LINGO2: variants seen among roughly 807,000 people sequenced by gnomAD.
The protein encoded by LINGO2 is leucine rich repeat and Ig domain containing 2, also known as leucine-rich repeat and immunoglobulin-like domain-containing nogo receptor-interacting protein 2.
A neutral mutation model predicts 30.6 loss-of-function variants in LINGO2; 14 were observed. That is an observed-to-expected ratio of 0.46 (90% CI 0.30 to 0.72). LINGO2 has a LOEUF of 0.72. Among genes scored for constraint, LINGO2 ranks in the 30% least tolerant of loss-of-function variants. LINGO2 has a pLI of 0.07. For missense variants in LINGO2, 729 were observed against 751.7 expected, an observed-to-expected ratio of 0.97 and a Z score of 0.35; for synonymous variants, 317 against 288.5, an observed-to-expected ratio of 1.10 and a Z score of -1.00.
At chr9:28,763,806 G>T in the LINGO2 span, among the ~76,000 whole-genome samples, 1 of 150,018 alleles carries the variant, frequency 6.7e-6, no homozygotes, top group Middle Eastern at 3.4e-3. Flanking sequence ...GAGAGAGAGA[G>T]GATACAAATA....
chr9:28,481,958 A>AT (rs1237030839), intron 1 of LINGO2, among the ~76,000 whole-genome samples: 2 of 152,072 alleles, frequency 1.3e-5, no homozygotes, highest in Non-Finnish European at 2.9e-5. Flanking sequence ...TGAACTCATC[A>AT]TTTTTTATGG....
intron 4 of LINGO2, among the ~76,000 whole-genome samples, chr9:28,087,757 T>A: frequency 6.6e-6 from 1 of 152,042 alleles, no homozygotes; most frequent in East Asian, 1.9e-4. Context: ...GACAATCTTA[T>A]GGGAATTAGC....
the LINGO2 span, among the ~76,000 whole-genome samples, chr9:28,905,621 C>T: frequency 6.6e-6 from 1 of 151,908 alleles, no homozygotes; most frequent in East Asian, 1.9e-4. Flanking sequence ...ATAAATCACA[C>T]CTGTGAGAAT....
the LINGO2 span, among the ~76,000 whole-genome samples, chr9:29,102,216 G>T: frequency 6.6e-6 from 1 of 151,872 alleles, no homozygotes; most frequent in Non-Finnish European, 1.5e-5. Context: ...CGAGTAGCTG[G>T]GACTACAGGT....
chr9:28,146,539 A>T (rs2133525099), intron 4 of LINGO2, among the ~76,000 whole-genome samples: 1 of 148,436 alleles, frequency 6.7e-6, no homozygotes, highest in Non-Finnish European at 1.5e-5. Flanking sequence ...TAAACTACCA[A>T]AATTTACTTA....
intron 1 of LINGO2, among the ~76,000 whole-genome samples, chr9:28,532,883 C>A (rs1821288963): frequency 6.6e-6 from 1 of 152,008 alleles, no homozygotes; most frequent in Non-Finnish European, 1.5e-5. Context: ...CTCTTATAGA[C>A]CGAATCCAGC....
chr9:29,084,677 G>C, the LINGO2 span, among the ~76,000 whole-genome samples: 3 of 151,870 alleles, frequency 2.0e-5, no homozygotes, highest in Non-Finnish European at 4.4e-5. Flanking sequence ...CTCTTAGAAA[G>C]CCCTTCTCTA....
chr9:28,585,428 T>G (rs1443838149), intron 1 of LINGO2, among the ~76,000 whole-genome samples: 1 of 152,038 alleles, frequency 6.6e-6, no homozygotes, highest in Non-Finnish European at 1.5e-5. Flanking sequence ...AGACAGTCCC[T>G]AACTTAAAAT....
At chr9:28,597,066 A>G (rs568923445) in intron 1 of LINGO2, among the ~76,000 whole-genome samples, 2 of 152,208 alleles carry the variant, frequency 1.3e-5, no homozygotes, top group African/African-American at 4.8e-5. Context: ...TGATAAAACT[A>G]TGAGAAAAAT....
the LINGO2 span, among the ~76,000 whole-genome samples, chr9:28,700,245 C>A: frequency 6.6e-6 from 1 of 152,068 alleles, no homozygotes; most frequent in South Asian, 2.1e-4. Context: ...ATGTAAAGAG[C>A]CTACATTGAA....
intron 2 of LINGO2, among the ~76,000 whole-genome samples, chr9:28,409,624 T>G (rs779446756): frequency 1.1e-4 from 15 of 138,152 alleles, no homozygotes; most frequent in Admixed American, 5.9e-4. Context: ...TGCAGGGGTG[T>G]GTGTGTGTGT....
At chr9:29,066,773 G>A in the LINGO2 span, among the ~76,000 whole-genome samples, 4 of 151,780 alleles carry the variant, frequency 2.6e-5, no homozygotes, top group Non-Finnish European at 4.4e-5. Context: ...CTAAAATATA[G>A]TATGATCATT....
chr9:28,909,621 A>G, the LINGO2 span, among the ~76,000 whole-genome samples: 1 of 152,032 alleles, frequency 6.6e-6, no homozygotes, highest in East Asian at 1.9e-4. Flanking sequence ...TTCAATATCA[A>G]GATTCACAAA....
intron 4 of LINGO2, among the ~76,000 whole-genome samples, chr9:28,271,971 A>C (rs1822955877): frequency 6.6e-6 from 1 of 152,148 alleles, no homozygotes; most frequent in African/African-American, 2.4e-5. Flanking sequence ...TCTCCAAAAC[A>C]CCTCATCGGA....
chr9:29,195,684 A>C, the LINGO2 span, among the ~76,000 whole-genome samples: 1 of 152,132 alleles, frequency 6.6e-6, no homozygotes, highest in African/African-American at 2.4e-5. Flanking sequence ...AAATAGAAAA[A>C]AATATTTTGC....
chr9:28,903,147 G>C, the LINGO2 span, among the ~76,000 whole-genome samples: 3 of 151,182 alleles, frequency 2.0e-5, no homozygotes, highest in Non-Finnish European at 4.4e-5. Flanking sequence ...AATAAGAAAA[G>C]ACAGAAGATT....
At chr9:28,979,072 G>A in the LINGO2 span, among the ~76,000 whole-genome samples, 2 of 151,886 alleles carry the variant, frequency 1.3e-5, no homozygotes, top group Admixed American at 1.3e-4. Flanking sequence ...CCTGCTGTCT[G>A]CTCTTTTGTT....
chr9:28,354,156 A>T (rs1157944941), intron 3 of LINGO2, among the ~76,000 whole-genome samples: 2 of 152,190 alleles, frequency 1.3e-5, no homozygotes, highest in Non-Finnish European at 2.9e-5. Flanking sequence ...GTTAATTAAA[A>T]AAAAAATGCT....
chr9:29,127,834 G>C, the LINGO2 span, among the ~76,000 whole-genome samples: 181 of 152,118 alleles, frequency 1.2e-3, 1 homozygote, highest in Non-Finnish European at 1.7e-3. Context: ...AACTCGTCCA[G>C]GGTGAACTTG....
Sources: gnomAD v4.1 joint callset for allele counts (sites outside exome capture counted in the v4.1 genomes callset) on GRCh38, gnomAD v4.1.1 for gene constraint, MANE v1.5 for transcripts, NCBI Gene and HGNC (gene_info 2026-07-23, HGNC 2026-07-21) for gene names.